Variants in ZC3H7B observed in about 807,000 individuals in gnomAD.
ZC3H7B encodes zinc finger CCCH-type containing 7B.
Under a neutral mutation model 116.0 loss-of-function variants are expected in ZC3H7B, and 35 were observed. That is an observed-to-expected ratio of 0.30 (90% CI 0.23 to 0.40). The LOEUF (loss-of-function observed/expected upper bound fraction) is 0.40. ZC3H7B is among the 10% of genes least tolerant of loss of function. The pLI is 1.00. For missense variants in ZC3H7B, 1,011 were observed against 1,321.5 expected (o/e 0.77, Z 3.64); for synonymous variants, 502 against 545.6 (o/e 0.92, Z 1.11).
At chr22:41,350,430 T>C (rs766268059) in intron 16 of ZC3H7B, among the ~76,000 whole-genome samples, 10 of 151,914 alleles carry the variant, frequency 6.6e-5, no homozygotes, top group Non-Finnish European at 1.3e-4. Context: ...GGCTGCTGGG[T>C]GGAGATCGAG....
intron 2 of ZC3H7B, 81 bp from the exon 3 acceptor site, chr22:41,325,483 G>C: frequency 6.5e-7 from 1 of 1,546,280 alleles, no homozygotes; most frequent in Admixed American, 1.9e-5. Flanking sequence ...GCTGAGGTCT[G>C]AGTTGGAGGA....
chr22:41,322,855 C>G lies in ZC3H7B; in HGVS notation c.53+2142C>G, dbSNP rs370172386. Reference sequence around the variant, plus strand: ...CTGTGTTGCCCAGGCAGGTCTCAATCTCCCGGGCTCAAGCAGTTTTCCTAC... The same window carrying G: ...CTGTGTTGCCCAGGCAGGTCTCAATGTCCCGGGCTCAAGCAGTTTTCCTAC... On this transcript the variant is annotated intron_variant, in intron 2 of 22. Coordinates refer to ENST00000352645, the MANE Select transcript of ZC3H7B (RefSeq NM_017590.6). Among the ~76,000 whole-genome samples, 31 of 152,280 alleles carry G rather than the reference C, an allele frequency of 2.0e-4. No individual in the cohort carries two copies. In the East Asian group the frequency reaches 4.4e-3, roughly 22 times the overall value.
At chr22:41,335,821 G>A (rs532423183) in intron 7 of ZC3H7B, 1 of 152,680 alleles carries the variant, frequency 6.5e-6, no homozygotes, top group African/African-American at 2.4e-5. Flanking sequence ...GCCCTGCTCT[G>A]ATCTGTGCAT....
intron 22 of ZC3H7B, 92 bp downstream of exon 22, chr22:41,356,900 G>T: frequency 6.4e-7 from 1 of 1,567,168 alleles, no homozygotes; most frequent in South Asian, 1.2e-5. Context: ...GCCTGGAGGT[G>T]GTGTGCAGGG....
intron 13 of ZC3H7B, among the ~76,000 whole-genome samples, chr22:41,345,529 G>A (rs2036573505): frequency 1.3e-5 from 2 of 152,068 alleles, no homozygotes; most frequent in Admixed American, 1.3e-4. Context: ...AGGTTGCAGT[G>A]AGCTGAAATC....
intron 17 of ZC3H7B, among the ~76,000 whole-genome samples, chr22:41,352,659 G>C (rs975966584): frequency 2.7e-5 from 4 of 149,476 alleles, no homozygotes; most frequent in Non-Finnish European, 3.0e-5. Flanking sequence ...CTACTCGGGA[G>C]GCTGAGGCAG....
At position 41,357,539 on chromosome 22, in the gene ZC3H7B, A is replaced by G; in HGVS notation, c.*110A>G. 1 of 962,700 alleles carries G rather than the reference A, an allele frequency of 1.0e-6. No individual in the cohort carries two copies. Among genetic ancestry groups the G allele is most frequent in the African/African-American group, 1.7e-5 (1 of 60,416 alleles). 59.6% of individuals were successfully genotyped at this position (962,700 alleles called of 1,614,324 possible). On this transcript the variant is annotated 3_prime_UTR_variant, in exon 23 of 23. Transcript: ENST00000352645. This position sits in a 1 kb window ranked among gnomAD's most constrained non-coding sequence, Gnocchi z 5.4. ...AGGGGGGTGGGGGGCCGCCCTCATC[A>G]GGCAGCCCCCAGCCCCCTGAGGCCC...
intron 20 of ZC3H7B, 29 bp from the exon 21 acceptor site, chr22:41,356,314 C>G (rs2036716517): frequency 6.2e-7 from 1 of 1,613,410 alleles, no homozygotes; most frequent in Non-Finnish European, 8.5e-7. Flanking sequence ...AGCCCCTCAG[C>G]AGGTGCCCTG....
intron 2 of ZC3H7B, among the ~76,000 whole-genome samples, chr22:41,323,796 C>A (rs890207831): frequency 2.6e-5 from 4 of 152,162 alleles, no homozygotes; most frequent in Non-Finnish European, 5.9e-5. Context: ...TACGGCCGGG[C>A]GCGGTGGCTC....
intron 1 of ZC3H7B, among the ~76,000 whole-genome samples, chr22:41,305,319 G>C (rs891103367): frequency 6.6e-6 from 1 of 151,296 alleles, no homozygotes; most frequent in South Asian, 2.1e-4. Context: ...CTCCAGCCTG[G>C]GCGACAGAGC....
intron 5 of ZC3H7B, among the ~76,000 whole-genome samples, chr22:41,328,336 T>G (rs897947985): frequency 2.0e-5 from 3 of 152,214 alleles, no homozygotes; most frequent in Non-Finnish European, 4.4e-5. Context: ...TAAGGGCTCC[T>G]GGCTCTGCTT....
chr22:41,324,273 G>A (rs2036291607), intron 2 of ZC3H7B, among the ~76,000 whole-genome samples: 1 of 152,122 alleles, frequency 6.6e-6, no homozygotes, highest in Admixed American at 6.6e-5. Flanking sequence ...GAGGTGGGCT[G>A]GTGAGCCCCG....
At chr22:41,332,264 C>T in intron 7 of ZC3H7B, 37 bp downstream of exon 7, 1 of 1,612,182 alleles carries the variant, frequency 6.2e-7, no homozygotes, top group Non-Finnish European at 8.5e-7. Flanking sequence ...CTCAGTTTAT[C>T]CATTATGAGA....
intron 7 of ZC3H7B, chr22:41,332,468 G>A (rs903212052): frequency 3.8e-6 from 2 of 525,782 alleles, no homozygotes; most frequent in South Asian, 2.6e-5. Flanking sequence ...CCAGGACACA[G>A]TCTGGGCAGC....
intron 1 of ZC3H7B, among the ~76,000 whole-genome samples, chr22:41,318,463 A>G (rs1451947687): frequency 7.0e-6 from 1 of 143,708 alleles, no homozygotes; most frequent in Non-Finnish European, 1.5e-5. Context: ...TGGGAGGCGG[A>G]GCGTGCAGTG....
chr22:41,309,532 C>T (rs2036091358), intron 1 of ZC3H7B, among the ~76,000 whole-genome samples: 1 of 151,392 alleles, frequency 6.6e-6, no homozygotes, highest in Non-Finnish European at 1.5e-5. Context: ...CCAGGCTGGT[C>T]TTGAACTCCT....
chr22:41,330,723 C>T (rs959876663), intron 6 of ZC3H7B, among the ~76,000 whole-genome samples: 2 of 152,070 alleles, frequency 1.3e-5, no homozygotes, highest in African/African-American at 4.8e-5. Context: ...GGGCAGATCA[C>T]CTGAGGTCAG....
At chr22:41,301,910 G>T (rs1432906661) in intron 1 of ZC3H7B, 138 bp downstream of exon 1, 1 of 152,066 alleles carries the variant, frequency 6.6e-6, no homozygotes, top group African/African-American at 2.4e-5. Context: ...TTTCCAGGCC[G>T]GGGCCGCGCG....
intron 12 of ZC3H7B, among the ~76,000 whole-genome samples, chr22:41,342,860 A>G (rs972975053): frequency 3.3e-5 from 5 of 152,120 alleles, no homozygotes; most frequent in Admixed American, 2.0e-4. Context: ...CTCACTAGAG[A>G]GTGAGGACGG....
Sources: allele counts gnomAD v4.1 joint callset (sites outside exome capture counted in the v4.1 genomes callset), GRCh38; gene constraint gnomAD v4.1.1; non-coding constraint Gnocchi (gnomAD v3.1); transcripts MANE v1.5; gene names NCBI Gene and HGNC (gene_info 2026-07-23, HGNC 2026-07-21).